Variants in CCDC33 observed in about 807,000 individuals in gnomAD.
CCDC33 encodes the protein coiled-coil domain containing 33.
In CCDC33, 94 loss-of-function variants were observed where a neutral mutation model predicts 91.9. That is an observed-to-expected ratio of 1.02 (90% confidence interval 0.87 to 1.21). The LOEUF (loss-of-function observed/expected upper bound fraction) is 1.21. Ranked by LOEUF, CCDC33 falls within the 50% of genes most tolerant of loss-of-function variation. The pLI is 0.00. For missense variants in CCDC33, 940 were observed against 935.5 expected, an observed-to-expected ratio of 1.00 and a Z score of -0.06; for synonymous variants, 396 against 374.5, an observed-to-expected ratio of 1.06 and a Z score of -0.66.
At chr15:74,217,412 G>C (rs2074472643) in exon 1 of CCDC33, 1 of 1,289,866 alleles carries the variant, frequency 7.8e-7, no homozygotes, top group South Asian at 1.2e-5. Flanking sequence ...CCCTGAGACT[G>C]TCAGCAGAGA....
intron 7 of CCDC33, among the ~76,000 whole-genome samples, chr15:74,273,767 C>T (rs1178112190): frequency 6.7e-6 from 1 of 149,514 alleles, no homozygotes; most frequent in African/African-American, 2.5e-5. Context: ...CTGCGCCCAG[C>T]GAAAAATTTT....
At chr15:74,251,586 C>T (rs756580136) in intron 2 of CCDC33, among the ~76,000 whole-genome samples, 8 of 152,200 alleles carry the variant, frequency 5.3e-5, no homozygotes, top group South Asian at 2.1e-4. Context: ...AAGGGGAAGG[C>T]GCTGCTTCCT....
chr15:74,249,701 G>A (rs1029858624), intron 2 of CCDC33, among the ~76,000 whole-genome samples: 1 of 152,146 alleles, frequency 6.6e-6, no homozygotes, highest in Non-Finnish European at 1.5e-5. Context: ...TGCACTAGGG[G>A]TAAATTGCTT....
chr15:74,330,970 C>A lies in CCDC33; in HGVS notation c.1546-11C>A. 1 of 1,575,918 alleles carries A rather than the reference C, an allele frequency of 6.3e-7. No homozygotes were observed. The highest frequency in any genetic ancestry group is 1.2e-5 in the South Asian group (1 of 84,022). ...CCATTCTCTCCCCTTCTCTCCTCCC[C>A]CATCTCACAGAAGAATGATCGAGAG... On this transcript the variant is annotated splice_polypyrimidine_tract_variant and intron_variant, in intron 13 of 18. Transcript: ENST00000398814.
chr15:74,330,731 T>G lies in CCDC33; in HGVS notation c.1525T>G (p.Leu509Val). The change falls in exon 13 of 19, where the codon TTG (leucine) becomes GTG (valine). Residue 509 changes from leucine (L) to valine (V), a missense_variant. Leu to Val is a conservative substitution (Grantham distance 32). Transcript: ENST00000398814. ...GAAACTGAGGGACAGGGTGCAGCAT[T>G]TGCAGAATGAGCTGATTCGAGTGAG... ...MKKLRDRVQH[L>V]QNELIRKNDR... 1.2e-6 allele frequency: 2 copies of G among 1,613,448 alleles called. No individual in the cohort carries two copies. The highest frequency in any genetic ancestry group is 1.1e-5 in the South Asian group (1 of 91,064).
chr15:74,311,259 T>G (rs141856524), intron 11 of CCDC33, among the ~76,000 whole-genome samples: 1 of 151,932 alleles, frequency 6.6e-6, no homozygotes, highest in African/African-American at 2.4e-5. Flanking sequence ...CAGGGAGAGA[T>G]GTGGCAGGTG....
Position 74,281,756 on chromosome 15 carries a change from AGT to A in CCDC33, c.1024-20_1024-19del, listed in dbSNP as rs895307907. On this transcript the variant is annotated intron_variant, in intron 9 of 18. Coordinates refer to ENST00000398814, the MANE Select transcript of CCDC33 (RefSeq NM_025055.5). The stretch of plus-strand genomic sequence containing the variant: ...AAGCTGCCCTGGCCAGCATGGTCTG[AGT>A]GCTCCCTTTTCCTCCCCAGGACACC... The A allele has an allele frequency of 4.4e-6, 7 of 1,608,508 alleles. No homozygotes were observed. The African/African-American group carries it at 9.4e-5, about 21-fold the overall frequency.
At chr15:74,229,203 G>A (rs975494430) in intron 2 of CCDC33, among the ~76,000 whole-genome samples, 15 of 152,162 alleles carry the variant, frequency 9.9e-5, no homozygotes, top group Non-Finnish European at 2.1e-4. Context: ...TTTAAAATGG[G>A]GACAACAAGC....
At chr15:74,243,947 A>G in intron 1 of CCDC33, 38 bp from the exon 2 acceptor site, 1 of 1,191,658 alleles carries the variant, frequency 8.4e-7, no homozygotes, top group Admixed American at 2.6e-5. Flanking sequence ...TCTGTCTCAA[A>G]AAAAAAAAAA....
At chr15:74,211,046 A>G (rs2074360285) in intron 2 of CCDC33, among the ~76,000 whole-genome samples, 1 of 152,200 alleles carries the variant, frequency 6.6e-6, no homozygotes. Context: ...ACTCCAACAC[A>G]TCCAAAAGAA....
At chr15:74,291,520 G>A (rs1359638847) in intron 10 of CCDC33, among the ~76,000 whole-genome samples, 8 of 152,272 alleles carry the variant, frequency 5.3e-5, no homozygotes, top group Admixed American at 5.2e-4. Context: ...TTGTTAAACA[G>A]AATTTGTCAG....
At chr15:74,252,986 T>C (rs2075754438) in intron 2 of CCDC33, among the ~76,000 whole-genome samples, 2 of 152,186 alleles carry the variant, frequency 1.3e-5, no homozygotes, top group Admixed American at 1.3e-4. Flanking sequence ...ATAAGGATTC[T>C]TTCCAGATGT....
chr15:74,237,190 T>C (rs2142229385), intron 1 of CCDC33, among the ~76,000 whole-genome samples: 1 of 152,342 alleles, frequency 6.6e-6, no homozygotes, highest in East Asian at 1.9e-4. Context: ...ACACAGATGC[T>C]TGGGTCTCTG....
chr15:74,255,583 G>A (rs751849582), intron 2 of CCDC33, among the ~76,000 whole-genome samples: 1 of 152,276 alleles, frequency 6.6e-6, no homozygotes, highest in African/African-American at 2.4e-5. Context: ...GCCCTGTGGC[G>A]TTGGAGGAGT....
At chr15:74,290,752 C>A (rs912264795) in intron 10 of CCDC33, among the ~76,000 whole-genome samples, 5 of 152,078 alleles carry the variant, frequency 3.3e-5, no homozygotes, top group African/African-American at 1.2e-4. Context: ...TTGTAGAGGA[C>A]CTGGGTGCTA....
At chr15:74,206,680 C>T (rs2142108150) in intron 1 of CCDC33, among the ~76,000 whole-genome samples, 1 of 152,282 alleles carries the variant, frequency 6.6e-6, no homozygotes, top group African/African-American at 2.4e-5. Flanking sequence ...GTCTTGCAGG[C>T]TCCCTGGAGG....
At chr15:74,279,686 C>T (rs2076540907) in intron 7 of CCDC33, among the ~76,000 whole-genome samples, 1 of 152,040 alleles carries the variant, frequency 6.6e-6, no homozygotes, top group Non-Finnish European at 1.5e-5. Context: ...ACAGGAGTCC[C>T]CCACCACACC....
chr15:74,316,191 G>T lies in CCDC33; in HGVS notation c.1291-13998G>T, dbSNP rs2060085983. Among the ~76,000 whole-genome samples the T allele has an allele frequency of 6.6e-6, 1 of 152,168 alleles. No homozygotes were observed. Among genetic ancestry groups the T allele is most frequent in the African/African-American group, 2.4e-5 (1 of 41,446 alleles). ...CCTGGGGCCTCCCTGGCTTCATGGGGCAGGCTCAAGTCCCTCAAGGGCGCG... is the reference window on the plus strand; with the variant it reads ...CCTGGGGCCTCCCTGGCTTCATGGGTCAGGCTCAAGTCCCTCAAGGGCGCG... On this transcript the variant is annotated intron_variant, in intron 11 of 18. Coordinates refer to ENST00000398814, the MANE Select transcript of CCDC33 (RefSeq NM_025055.5). This position sits in a 1 kb window ranked among gnomAD's most constrained non-coding sequence, Gnocchi z 4.7.
At chr15:74,274,399 G>A (rs2076398540) in intron 7 of CCDC33, among the ~76,000 whole-genome samples, 1 of 152,256 alleles carries the variant, frequency 6.6e-6, no homozygotes, top group Non-Finnish European at 1.5e-5. Flanking sequence ...GGGGGACAGA[G>A]GGATTTTTGG....
Sources: gnomAD v4.1 joint callset for allele counts (sites outside exome capture counted in the v4.1 genomes callset) on GRCh38, gnomAD v4.1.1 for gene constraint, Gnocchi (gnomAD v3.1) non-coding constraint, MANE v1.5 for transcripts, NCBI Gene and HGNC (gene_info 2026-07-23, HGNC 2026-07-21) for gene names.